The following RASIP1 variants were observed in gnomAD, a reference collection of about 807,000 sequenced individuals.
RASIP1 encodes the protein Ras interacting protein 1.
Under a neutral mutation model 85.3 loss-of-function variants are expected in RASIP1, and 20 were observed. The ratio of observed to expected loss-of-function variants is 0.23; its 90% confidence interval spans 0.17 to 0.34. The LOEUF is 0.34. Among genes scored for constraint, RASIP1 ranks in the 10% least tolerant of loss-of-function variants. RASIP1 has a pLI of 1.00. For missense variants in RASIP1, 1,170 were observed against 1,390.9 expected (o/e 0.84, Z 2.53); for synonymous variants, 617 against 647.1 (o/e 0.95, Z 0.71).
At chr19:48,734,471 G>A (rs185689402) in intron 4 of RASIP1, among the ~76,000 whole-genome samples, 1,696 of 137,202 alleles carry the variant, frequency 0.012, 42 homozygotes, top group African/African-American at 0.041. Context: ...ACACCACCAC[G>A]CCCGGCTTTT....
rs2033208286 is a variant in RASIP1, at chr19:48,720,617, G to A, written c.*181C>T. ...ACCACGGATACCTTTATTGCTCCCT[G>A]GCATTCACATCCTAAGCCCATGCTC... On this transcript the variant is annotated 3_prime_UTR_variant, in exon 12 of 12. Coordinates refer to ENST00000222145, the MANE Select transcript of RASIP1 (RefSeq NM_017805.3). The A allele has an allele frequency of 1.5e-6, 1 of 650,950 alleles. No individual in the cohort carries two copies. Among genetic ancestry groups the A allele is most frequent in the South Asian group, 1.8e-5 (1 of 54,056 alleles). The allele number at this position is 650,950 out of a possible 1,614,324, so 40.3% of individuals were successfully genotyped here. A position where few individuals can be genotyped will look rare whatever the true frequency, so the allele number is the denominator to read the frequency against.
At chr19:48,726,128 T>C (rs972731447) in intron 8 of RASIP1, among the ~76,000 whole-genome samples, 1 of 152,184 alleles carries the variant, frequency 6.6e-6, no homozygotes, top group Admixed American at 6.5e-5. Flanking sequence ...GGTTTTACCA[T>C]GTTGGTCAGT....
Position 48,729,011 on chromosome 19 carries a change from C to A in RASIP1, c.1759G>T (p.Ala587Ser). 6.9e-7 allele frequency: 1 copy of A among 1,448,598 alleles called. No individual in the cohort carries two copies. Among genetic ancestry groups the A allele is most frequent in the African/African-American group, 1.5e-5 (1 of 66,966 alleles). 89.7% of individuals were successfully genotyped at this position (1,448,598 alleles called of 1,614,324 possible). A position where few individuals can be genotyped will look rare whatever the true frequency, so the allele number is the denominator to read the frequency against. ...AGGTGGCCCAGCTCCAGCTCACGGG[C>A]GGAATGCTGCACGCACAGCGCCAGC... ...TLLALCVQHS[A>S]RELELGHLPR... The change falls in exon 5 of 12, where the codon GCC becomes TCC. Residue 587 changes from alanine (A) to serine (S), a missense_variant. Physicochemically the swap from Ala to Ser is moderately conservative, Grantham distance 99 (BLOSUM62 1). Around this residue, in one of 4 missense-constraint regions of RASIP1, gnomAD observed 426 missense variants for 576.2 expected, o/e 0.74. Transcript: ENST00000222145.
rs771480367 is a variant in RASIP1, at chr19:48,724,535, CAGTT to C, written c.2372-30_2372-27del. The C allele has an allele frequency of 2.5e-5, 40 of 1,605,172 alleles. No homozygotes were observed. In the East Asian group the frequency reaches 4.0e-4, roughly 16 times the overall value. On this transcript the variant is annotated intron_variant, in intron 9 of 11. Transcript: ENST00000222145. The surrounding 1 kb of genome is among the most constrained non-coding windows in gnomAD (Gnocchi z 4.6). ...CTGTGGGTGTTAAAGGTATGAGAGG[CAGTT>C]GGTTGGCTGGACTCTGTGCTCCTGC...
Position 48,739,002 on chromosome 19 carries a change from G to C in RASIP1, c.781C>G (p.Arg261Gly). The change falls in exon 3 of 12, where the codon CGG (arginine) becomes GGG (glycine). Residue 261 changes from arginine (R) to glycine (G), a missense_variant. By Grantham distance (125) the Arg-to-Gly change is moderately radical. This residue lies in a region of RASIP1 where 301 missense variants were observed against 294.8 expected (regional missense o/e 1.02). Transcript: ENST00000222145. This position sits in a 1 kb window ranked among gnomAD's most constrained non-coding sequence, Gnocchi z 9.2. ...CCGAAGGCCTCCTGCTCCAGGCGCC[G>C]CGCCTCCTCGCGGCCGCGCAACTCG... ...RFELRGREEARRLEQEAFGAA... is the reference protein window; with the variant it reads ...RFELRGREEAGRLEQEAFGAA... 8.1e-7 allele frequency: 1 copy of C among 1,240,866 alleles called. No homozygotes were observed. Among genetic ancestry groups the C allele is most frequent in the Non-Finnish European group, 1.0e-6 (1 of 996,540 alleles). 76.9% of individuals were successfully genotyped at this position (1,240,866 alleles called of 1,614,324 possible).
intron 10 of RASIP1, among the ~76,000 whole-genome samples, chr19:48,723,983 T>G (rs566105393): frequency 2.6e-5 from 4 of 152,146 alleles, no homozygotes; most frequent in Non-Finnish European, 4.4e-5. Flanking sequence ...AATTTTTGTA[T>G]TTTTAGTAGA....
chr19:48,726,712 C>CAAACAGGAAGTGATATTACGTG lies in RASIP1; in HGVS notation c.2127+51_2127+72dup, dbSNP rs2033348897. 1.0e-5 allele frequency: 12 copies of CAAACAGGAAGTGATATTACGTG among 1,205,488 alleles called. No individual in the cohort carries two copies. In the South Asian group the frequency reaches 1.6e-4, roughly 16 times the overall value. 74.7% of individuals were successfully genotyped at this position (1,205,488 alleles called of 1,614,324 possible). A position where few individuals can be genotyped will look rare whatever the true frequency, so the allele number is the denominator to read the frequency against. On this transcript the variant is annotated intron_variant, in intron 8 of 11. Transcript: ENST00000222145. ...GTTCAAACAAGAAGTGATGTTACCA[C>CAAACAGGAAGTGATATTACGTG]AAACAGGAAGTGATATTACGTGAAA...
chr19:48,720,722 C>G lies in RASIP1; in HGVS notation c.*76G>C. ...GATAAGAACTACAACTCCCAGAAAG[C>G]TTTGCGCTCAGGCGGGCTCCTGTCC... On this transcript the variant is annotated 3_prime_UTR_variant, in exon 12 of 12. Transcript: ENST00000222145. 6.7e-7 allele frequency: 1 copy of G among 1,495,364 alleles called. No homozygotes were observed. Among genetic ancestry groups the G allele is most frequent in the Non-Finnish European group, 9.3e-7 (1 of 1,079,220 alleles). The allele number at this position is 1,495,364 out of a possible 1,614,324, so 92.6% of individuals were successfully genotyped here.
Position 48,729,710 on chromosome 19 carries a change from T to A in RASIP1, c.1180-120A>T. ...CCAACTTTTTTTTTCCTTCTTCTTCTTTTTTTTTTTTTTTTTTTTTTTGAG... is the reference window on the plus strand; with the variant it reads ...CCAACTTTTTTTTTCCTTCTTCTTCATTTTTTTTTTTTTTTTTTTTTTGAG... On this transcript the variant is annotated intron_variant, in intron 4 of 11. Transcript: ENST00000222145. 76 of 188,278 alleles carry A rather than the reference T, an allele frequency of 4.0e-4. No individual in the cohort carries two copies. In the East Asian group the frequency reaches 8.6e-3, roughly 21 times the overall value. 11.7% of individuals were successfully genotyped at this position (188,278 alleles called of 1,614,324 possible). A position where few individuals can be genotyped will look rare whatever the true frequency, so the allele number is the denominator to read the frequency against.
intron 5 of RASIP1, among the ~76,000 whole-genome samples, chr19:48,727,844 G>A (rs2033370251): frequency 6.6e-6 from 1 of 151,930 alleles, no homozygotes; most frequent in Admixed American, 6.6e-5. Context: ...GTGCTACCAT[G>A]CCCGGCTAAT....
intron 10 of RASIP1, among the ~76,000 whole-genome samples, chr19:48,723,803 CTTTTTTT>C (rs34173404): frequency 7.9e-6 from 1 of 127,024 alleles, no homozygotes; most frequent in Non-Finnish European, 1.6e-5. Context: ...ACCCTGGAAA[CTTTTTTT>C]TTTTTTTTTT....
chr19:48,739,016 C>T lies in RASIP1; in HGVS notation c.767G>A (p.Gly256Asp), dbSNP rs993453021. Residue 256 changes from glycine (G) to aspartate (D), a missense_variant, in exon 3 of 12, where the codon GGC becomes GAC. By Grantham distance (94) the Gly-to-Asp change is moderately conservative. This residue lies in a region of RASIP1 where 301 missense variants were observed against 294.8 expected (regional missense o/e 1.02). Coordinates refer to ENST00000222145, the MANE Select transcript of RASIP1 (RefSeq NM_017805.3). The surrounding 1 kb of genome is among the most constrained non-coding windows in gnomAD (Gnocchi z 9.2). ...CTCCAGGCGCCGCGCCTCCTCGCGG[C>T]CGCGCAACTCGAAGCGCCGCGCCCA... The part of the protein sequence containing the change: ...PGWARRFELR[G>D]REEARRLEQE... 13 of 1,247,198 alleles carry T rather than the reference C, an allele frequency of 1.0e-5. No homozygotes were observed. In the Admixed American group the frequency reaches 1.3e-4, roughly 12 times the overall value. The allele number at this position is 1,247,198 out of a possible 1,614,324, so 77.3% of individuals were successfully genotyped here.
At chr19:48,722,324 T>TG (rs1491166700) in intron 10 of RASIP1, among the ~76,000 whole-genome samples, 2 of 120,314 alleles carry the variant, frequency 1.7e-5, no homozygotes, top group African/African-American at 7.8e-5. Context: ...TTTTTTTTTT[T>TG]GTCCTTAAAG....
Position 48,739,159 on chromosome 19 carries a change from C to T in RASIP1, c.624G>A (p.Leu208=). ...CCACGCCCGCCGCCGCGGGCCGGCCCAGAGCGTCGCACAAAGCGAAGGCGT... is the reference window on the plus strand; with the variant it reads ...CCACGCCCGCCGCCGCGGGCCGGCCTAGAGCGTCGCACAAAGCGAAGGCGT... ...CVDAFALCDA[L]GRPAAAGVGS... is the part of the protein sequence containing the mutation. Residue 208 remains leucine, a synonymous_variant, in exon 3 of 12, where the codon CTG becomes CTA. Coordinates refer to ENST00000222145, the MANE Select transcript of RASIP1 (RefSeq NM_017805.3). The surrounding 1 kb of genome is among the most constrained non-coding windows in gnomAD (Gnocchi z 9.2). 1.4e-6 allele frequency: 2 copies of T among 1,448,618 alleles called. No individual in the cohort carries two copies. The highest frequency in any genetic ancestry group is 1.8e-6 in the Non-Finnish European group (2 of 1,107,446). 89.7% of individuals were successfully genotyped at this position (1,448,618 alleles called of 1,614,324 possible).
At chr19:48,736,745 T>C (rs1486864006) in intron 3 of RASIP1, among the ~76,000 whole-genome samples, 1 of 151,958 alleles carries the variant, frequency 6.6e-6, no homozygotes, top group East Asian at 1.9e-4. Context: ...CCGAAAACTG[T>C]GTGGCCAGGC....
rs770159147 is a variant in RASIP1, at chr19:48,726,928, C to T, written c.2024-40G>A. On this transcript the variant is annotated intron_variant, in intron 7 of 11. Coordinates refer to ENST00000222145, the MANE Select transcript of RASIP1 (RefSeq NM_017805.3). ...GGGGTTAAGAGGGAGAACCAGAAGT[C>T]GGCAGCCAGGAGCCCAGGTCCCCAG... 1.6e-5 allele frequency: 26 copies of T among 1,608,792 alleles called. 1 individual carries two copies. In the East Asian group the frequency reaches 1.8e-4, roughly 11 times the overall value.
At chr19:48,733,455 C>T (rs1366736736) in intron 4 of RASIP1, among the ~76,000 whole-genome samples, 1 of 152,186 alleles carries the variant, frequency 6.6e-6, no homozygotes, top group Non-Finnish European at 1.5e-5. Context: ...ATCAATACCA[C>T]CTGCCTCCAT....
chr19:48,734,850 A>G (rs2033540380), intron 4 of RASIP1, among the ~76,000 whole-genome samples: 1 of 152,096 alleles, frequency 6.6e-6, no homozygotes, highest in African/African-American at 2.4e-5. Context: ...TTTGGCCTCA[A>G]GCAATTCTTC....
intron 5 of RASIP1, 67 bp downstream of exon 5, chr19:48,728,870 G>C: frequency 7.3e-7 from 1 of 1,366,004 alleles, no homozygotes; most frequent in East Asian, 3.1e-5. Flanking sequence ...GTTGAAGGTA[G>C]GGAAGGGAGG....
Sources: gnomAD v4.1 joint callset for allele counts (sites outside exome capture counted in the v4.1 genomes callset) on GRCh38, gnomAD v4.1.1 for gene constraint, gnomAD v4.1.1 regional missense constraint, Gnocchi (gnomAD v3.1) non-coding constraint, MANE v1.5 for transcripts, NCBI Gene and HGNC (gene_info 2026-07-23, HGNC 2026-07-21) for gene names.